The following ATE1 variants were observed in gnomAD, a reference collection of about 807,000 sequenced individuals.
ATE1 encodes arginyl-tRNA--protein transferase 1.
In ATE1, 36 loss-of-function variants were observed where a neutral mutation model predicts 70.5. The ratio of observed to expected loss-of-function variants is 0.51; its 90% CI spans 0.39 to 0.67. ATE1 has a LOEUF of 0.67. Ranked by LOEUF, ATE1 falls within the 30% of genes least tolerant of loss-of-function variation. ATE1 has a pLI of 0.00. For missense variants in ATE1, 593 were observed against 629.5 expected, an observed-to-expected ratio of 0.94 and a Z score of 0.62; for synonymous variants, 232 against 219.3, an observed-to-expected ratio of 1.06 and a Z score of -0.51.
intron 7 of ATE1, among the ~76,000 whole-genome samples, chr10:121,889,023 T>G (rs1950497234): frequency 6.6e-6 from 1 of 152,170 alleles, no homozygotes; most frequent in African/African-American, 2.4e-5. Flanking sequence ...ATTTATTTAT[T>G]TATTTTTTTG....
intron 11 of ATE1, among the ~76,000 whole-genome samples, chr10:121,771,613 G>A (rs190634826): frequency 9.2e-4 from 140 of 152,202 alleles, no homozygotes; most frequent in African/African-American, 3.3e-3. Context: ...AACAATGGTC[G>A]GAGAGCAAAG....
intron 10 of ATE1, among the ~76,000 whole-genome samples, chr10:121,819,686 A>AAAAG (rs1947710797): frequency 6.8e-6 from 1 of 147,434 alleles, no homozygotes; most frequent in South Asian, 2.1e-4. Context: ...TCTCAAAAAA[A>AAAAG]AAAAAAAAAA....
intron 7 of ATE1, among the ~76,000 whole-genome samples, chr10:121,877,702 C>T (rs1387178860): frequency 6.6e-6 from 1 of 152,102 alleles, no homozygotes; most frequent in African/African-American, 2.4e-5. Flanking sequence ...ATTAAAACCC[C>T]AATACAATAC....
At chr10:121,823,861 A>G (rs1007373292) in intron 10 of ATE1, among the ~76,000 whole-genome samples, 3 of 152,202 alleles carry the variant, frequency 2.0e-5, no homozygotes, top group Non-Finnish European at 4.4e-5. Context: ...ACACCTTATC[A>G]TATATCTGAT....
At chr10:121,776,701 TAGC>T (rs1945757875) in intron 11 of ATE1, among the ~76,000 whole-genome samples, 1 of 152,256 alleles carries the variant, frequency 6.6e-6, no homozygotes, top group African/African-American at 2.4e-5. Flanking sequence ...GAGTACTATT[TAGC>T]ACATTTTTGT....
intron 7 of ATE1, among the ~76,000 whole-genome samples, chr10:121,873,243 A>T (rs538231545): frequency 2.0e-5 from 3 of 152,070 alleles, no homozygotes; most frequent in South Asian, 4.1e-4. Flanking sequence ...CAAGTCTTGA[A>T]TTTTTTTTAA....
chr10:121,852,194 G>A (rs1435194695), intron 8 of ATE1, among the ~76,000 whole-genome samples: 1 of 152,186 alleles, frequency 6.6e-6, no homozygotes, highest in Non-Finnish European at 1.5e-5. Flanking sequence ...TAAGAGAGCA[G>A]AACCTGAGTT....
intron 8 of ATE1, among the ~76,000 whole-genome samples, chr10:121,854,712 T>C (rs554703657): frequency 2.6e-4 from 40 of 152,280 alleles, no homozygotes; most frequent in African/African-American, 9.6e-4. Context: ...ACAGTTAGGA[T>C]GGGTCTTTGG....
intron 3 of ATE1, among the ~76,000 whole-genome samples, chr10:121,921,022 CTAAGTG>C (rs1951861922): frequency 1.3e-5 from 2 of 150,930 alleles, no homozygotes; most frequent in Non-Finnish European, 3.0e-5. Context: ...AAACTGGACT[CTAAGTG>C]TAAGTGGCAG....
intron 10 of ATE1, among the ~76,000 whole-genome samples, chr10:121,795,191 T>G (rs1946613963): frequency 6.6e-6 from 1 of 152,100 alleles, no homozygotes. Context: ...GAGGTTACAG[T>G]GAGCCAAGAT....
chr10:121,920,800 C>T (rs1640509934), intron 3 of ATE1, among the ~76,000 whole-genome samples: 1 of 152,046 alleles, frequency 6.6e-6, no homozygotes, highest in African/African-American at 2.4e-5. Flanking sequence ...CAAGACCAGC[C>T]TGGCCAACAT....
intron 11 of ATE1, chr10:121,782,453 A>T (rs1241504826): frequency 1.3e-5 from 2 of 152,262 alleles, no homozygotes; most frequent in Non-Finnish European, 2.9e-5. Flanking sequence ...ATAATCATTC[A>T]TTAACTGTCA....
At chr10:121,914,560 T>G (rs1012426549) in intron 3 of ATE1, among the ~76,000 whole-genome samples, 2 of 151,890 alleles carry the variant, frequency 1.3e-5, no homozygotes, top group African/African-American at 4.8e-5. Flanking sequence ...TCTTAGGGAT[T>G]GGTGACACCT....
chr10:121,797,687 C>T (rs114827312), intron 10 of ATE1, among the ~76,000 whole-genome samples: 20 of 152,198 alleles, frequency 1.3e-4, no homozygotes, highest in African/African-American at 4.3e-4. Flanking sequence ...CCGCTTTATC[C>T]TCCTCCATCA....
intron 10 of ATE1, among the ~76,000 whole-genome samples, chr10:121,797,276 G>A (rs756480394): frequency 6.6e-6 from 1 of 152,122 alleles, no homozygotes; most frequent in African/African-American, 2.4e-5. Flanking sequence ...TGATACAGAG[G>A]AGGAGCAAAA....
At chr10:121,901,483 C>T (rs553003788) in intron 6 of ATE1, among the ~76,000 whole-genome samples, 2 of 152,146 alleles carry the variant, frequency 1.3e-5, no homozygotes, top group South Asian at 4.2e-4. Flanking sequence ...TTGAGACAGT[C>T]TTTTGCTCTG....
chr10:121,853,558 G>GA (rs1302678525), intron 8 of ATE1, among the ~76,000 whole-genome samples: 1 of 151,640 alleles, frequency 6.6e-6, no homozygotes, highest in Admixed American at 6.6e-5. Context: ...TTCAAAATCT[G>GA]AAAAAAATCC....
Position 121,841,824 on chromosome 10 carries a change from T to C in ATE1, c.976-561A>G, listed in dbSNP as rs1948641745. Reference sequence around the variant, plus strand: ...ACACATTGGGTACAGTGTACACTGCTTGGGTGACGGCTGCACCAAAATCTC... The same window carrying C: ...ACACATTGGGTACAGTGTACACTGCCTGGGTGACGGCTGCACCAAAATCTC... On this transcript the variant is annotated intron_variant, in intron 8 of 11. Transcript: ENST00000224652. Among the ~76,000 whole-genome samples the C allele has an allele frequency of 2.0e-5, 3 of 152,154 alleles. 1 individual carries two copies. The South Asian group carries it at 6.2e-4, about 31-fold the overall frequency.
intron 10 of ATE1, among the ~76,000 whole-genome samples, chr10:121,792,593 G>A (rs1025166297): frequency 6.6e-6 from 1 of 152,186 alleles, no homozygotes; most frequent in Non-Finnish European, 1.5e-5. Flanking sequence ...GGAATGAATT[G>A]AGGATTTACT....
Sources: gnomAD v4.1 joint callset for allele counts (sites outside exome capture counted in the v4.1 genomes callset) on GRCh38, gnomAD v4.1.1 for gene constraint, MANE v1.5 for transcripts, NCBI Gene and HGNC (gene_info 2026-07-23, HGNC 2026-07-21) for gene names.